The following ANKRD11 variants were observed in gnomAD, a reference collection of about 807,000 sequenced individuals.
The protein encoded by ANKRD11 is ankyrin repeat domain-containing protein 11.
A neutral mutation model predicts 195.7 loss-of-function variants in ANKRD11; 17 were observed. The observed-to-expected ratio is 0.09, with a 90% CI of 0.06 to 0.13. The LOEUF is 0.13. Ranked by LOEUF, ANKRD11 falls within the 10% of genes least tolerant of loss-of-function variation. The pLI is 1.00. For missense variants in ANKRD11, 3,735 were observed against 3,566.1 expected (o/e 1.05, Z -1.21); for synonymous variants, 1,953 against 1,528.1 (o/e 1.28, Z -6.49).
chr16:89,333,173 T>A (rs2038156546), intron 2 of ANKRD11, among the ~76,000 whole-genome samples: 1 of 152,208 alleles, frequency 6.6e-6, no homozygotes, highest in African/African-American at 2.4e-5. Context: ...AACTTTTGGG[T>A]CATGCCTAAG....
chr16:89,417,339 G>A (rs895914220), intron 2 of ANKRD11, among the ~76,000 whole-genome samples: 2 of 152,118 alleles, frequency 1.3e-5, no homozygotes, highest in Non-Finnish European at 2.9e-5. Context: ...ACTCACACCT[G>A]GCCAAAATAT....
At chr16:89,456,957 CT>C (rs56161810) in intron 1 of ANKRD11, among the ~76,000 whole-genome samples, 3,365 of 137,896 alleles carry the variant, frequency 0.024, 70 homozygotes, top group African/African-American at 0.086. Flanking sequence ...TTATGTGAGT[CT>C]TTTTTTTTTT....
chr16:89,473,713 T>A (rs62070281), intron 1 of ANKRD11, among the ~76,000 whole-genome samples: 3,816 of 152,084 alleles, frequency 0.025, 103 homozygotes, highest in East Asian at 0.15. Context: ...GGAATGAGGG[T>A]TCTGAAGAAC....
At chr16:89,410,609 G>C (rs967523365) in intron 2 of ANKRD11, among the ~76,000 whole-genome samples, 1 of 152,210 alleles carries the variant, frequency 6.6e-6, no homozygotes, top group African/African-American at 2.4e-5. Context: ...CCCTAAAGCA[G>C]TTGCTATCCT....
chr16:89,283,811 C>G lies in ANKRD11; in HGVS notation c.2731G>C (p.Asp911His). The change falls in exon 9 of 13, where the codon GAC becomes CAC. Residue 911 changes from aspartate to histidine, a missense_variant. By Grantham distance (81) the Asp-to-His change is moderately conservative (BLOSUM62 -1). Coordinates refer to ENST00000301030, the MANE Select transcript of ANKRD11 (RefSeq NM_013275.6). This position sits in a 1 kb window ranked among gnomAD's most constrained non-coding sequence, Gnocchi z 4.3. The stretch of plus-strand genomic sequence containing the variant: ...TTCTCAGAGTTTTTATCCAAATAGT[C>G]CCTGTCCTTCTTTCGGAAGAAGGGC... ...REPFFRKKDR[D>H]YLDKNSEKRK... 1 of 1,614,148 alleles carries G rather than the reference C, an allele frequency of 6.2e-7. No individual in the cohort carries two copies. The highest frequency in any genetic ancestry group is 8.5e-7 in the Non-Finnish European group (1 of 1,180,046).
At chr16:89,456,542 CAAAAAAA>C (rs748076442) in intron 1 of ANKRD11, among the ~76,000 whole-genome samples, 1 of 74,324 alleles carries the variant, frequency 1.3e-5, no homozygotes, top group African/African-American at 5.0e-5. Context: ...GACTCCGTTT[CAAAAAAA>C]AAAAAAAAAG....
At chr16:89,367,621 T>C (rs1332851092) in intron 2 of ANKRD11, among the ~76,000 whole-genome samples, 1 of 152,166 alleles carries the variant, frequency 6.6e-6, no homozygotes, top group Non-Finnish European at 1.5e-5. Flanking sequence ...TGGGGGCCTC[T>C]ATAAATCCTC....
intron 2 of ANKRD11, among the ~76,000 whole-genome samples, chr16:89,322,770 C>T (rs986987948): frequency 2.6e-5 from 4 of 152,094 alleles, no homozygotes; most frequent in Admixed American, 2.6e-4. Context: ...GGCACAGCCC[C>T]GCATGGTGAT....
chr16:89,391,227 CA>C (rs35753411), intron 2 of ANKRD11, among the ~76,000 whole-genome samples: 47,435 of 95,372 alleles, frequency 0.5, 8,478 homozygotes, highest in Middle Eastern at 0.71. Context: ...GACTCTGTCT[CA>C]AAAAAAAAAA....
intron 2 of ANKRD11, among the ~76,000 whole-genome samples, chr16:89,413,116 C>G (rs1259405791): frequency 6.6e-6 from 1 of 152,198 alleles, no homozygotes; most frequent in Non-Finnish European, 1.5e-5. Flanking sequence ...CCCATTTTCA[C>G]ATGAACAGGT....
chr16:89,465,573 A>G (rs1351140758), intron 1 of ANKRD11, among the ~76,000 whole-genome samples: 1 of 152,214 alleles, frequency 6.6e-6, no homozygotes, highest in Non-Finnish European at 1.5e-5. Context: ...TTGCTCCTCC[A>G]GCATTCCACC....
intron 1 of ANKRD11, among the ~76,000 whole-genome samples, chr16:89,487,310 G>T (rs773256180): frequency 6.6e-6 from 1 of 152,172 alleles, no homozygotes; most frequent in African/African-American, 2.4e-5. Flanking sequence ...GTAATGGACA[G>T]ATCAAAACAC....
chr16:89,319,995 G>C (rs1187939735), intron 2 of ANKRD11: 2 of 152,422 alleles, frequency 1.3e-5, no homozygotes, highest in Admixed American at 6.5e-5. Flanking sequence ...TGAAATGGCA[G>C]AGCCAGCCGA....
At chr16:89,431,957 C>G (rs150226155) in intron 1 of ANKRD11, among the ~76,000 whole-genome samples, 1 of 152,154 alleles carries the variant, frequency 6.6e-6, no homozygotes, top group Non-Finnish European at 1.5e-5. Flanking sequence ...CAAAAGCCCA[C>G]TTATAAATCC....
At chr16:89,310,313 C>T (rs1454056541) in intron 3 of ANKRD11, among the ~76,000 whole-genome samples, 5 of 152,208 alleles carry the variant, frequency 3.3e-5, no homozygotes, top group Non-Finnish European at 5.9e-5. Context: ...TGTCCTGCTA[C>T]CAAGAGGAAG....
chr16:89,390,881 G>A (rs994107311), intron 2 of ANKRD11, among the ~76,000 whole-genome samples: 3 of 152,134 alleles, frequency 2.0e-5, no homozygotes, highest in Non-Finnish European at 2.9e-5. Context: ...TCCTTTCCAC[G>A]ACACTGGTGA....
chr16:89,394,703 G>A (rs1039535113), intron 2 of ANKRD11, among the ~76,000 whole-genome samples: 1 of 151,708 alleles, frequency 6.6e-6, no homozygotes. Flanking sequence ...TAAAACCTGC[G>A]AAGACTGCTT....
chr16:89,313,079 C>T (rs928661731), intron 3 of ANKRD11, among the ~76,000 whole-genome samples: 10 of 152,192 alleles, frequency 6.6e-5, no homozygotes, highest in Admixed American at 6.5e-5. Context: ...CCACACAGCT[C>T]GCCAGGTCTC....
At position 89,279,507 on chromosome 16, in the gene ANKRD11, C is replaced by T. The variant is rs774236725; in HGVS notation, c.7035G>A (p.Ala2345=). The change falls in exon 9 of 13, where the codon GCG becomes GCA. Residue 2345 remains alanine, a synonymous_variant. Coordinates refer to ENST00000301030, the MANE Select transcript of ANKRD11 (RefSeq NM_013275.6). The surrounding 1 kb of genome is among the most constrained non-coding windows in gnomAD (Gnocchi z 5.6). The stretch of plus-strand genomic sequence containing the variant: ...GGGGCGGGCCCTGCTTGCTCTGGTT[C>T]GCGAGCATCTGCGCCCGGTTCCTGG... The part of the protein sequence containing the change: ...RMTRNRAQML[A]NQSKQGPPPS... The T allele has an allele frequency of 1.8e-5, 24 of 1,363,606 alleles. No individual in the cohort carries two copies. The highest frequency in any genetic ancestry group is 2.3e-5 in the Non-Finnish European group (23 of 1,001,730). The allele number at this position is 1,363,606 out of a possible 1,614,324, so 84.5% of individuals were successfully genotyped here. A position where few individuals can be genotyped will look rare whatever the true frequency, so the allele number is the denominator to read the frequency against.
Sources: gnomAD v4.1 joint callset for allele counts (sites outside exome capture counted in the v4.1 genomes callset) on GRCh38, gnomAD v4.1.1 for gene constraint, Gnocchi (gnomAD v3.1) non-coding constraint, MANE v1.5 for transcripts, NCBI Gene and HGNC (gene_info 2026-07-23, HGNC 2026-07-21) for gene names.